Variants in HSF2BP observed in about 807,000 individuals in gnomAD.
The protein encoded by HSF2BP is heat shock factor 2-binding protein.
In HSF2BP, 35 loss-of-function variants were observed where a neutral mutation model predicts 35.0. The observed-to-expected ratio is 1.00, with a 90% confidence interval of 0.76 to 1.32. The LOEUF (loss-of-function observed/expected upper bound fraction) is 1.32, where lower values mean the gene tolerates loss of function less well. Among genes scored for constraint, HSF2BP ranks in the 40% most tolerant of loss-of-function variants. The pLI, the probability that HSF2BP is intolerant of heterozygous loss-of-function variation, is 0.00. For missense variants in HSF2BP, 326 were observed against 321.7 expected, an observed-to-expected ratio of 1.01 and a Z score of -0.10; for synonymous variants, 114 against 117.4, an observed-to-expected ratio of 0.97 and a Z score of 0.18.
intron 8 of HSF2BP, among the ~76,000 whole-genome samples, chr21:43,579,513 T>C (rs578216796): frequency 1.4e-4 from 22 of 152,270 alleles, no homozygotes; most frequent in African/African-American, 5.3e-4. Context: ...AATAGTTAAT[T>C]CTTGTTCTTA....
rs536408233 is a variant in HSF2BP at position 43,657,251 on chromosome 21, G to A, written c.37-514C>T. 9.2e-5 allele frequency among the ~76,000 whole-genome samples: 14 copies of A among 152,272 alleles called. No homozygotes were observed. The South Asian group carries it at 2.9e-3, about 32-fold the overall frequency. On this transcript the variant is annotated intron_variant, in intron 2 of 8. Transcript: ENST00000291560. ...CAGGTGTGGTGGCCGGCGCCTGTAC[G>A]CAGCAGGCTGACACGGGAAGAAGGC...
intron 7 of HSF2BP, among the ~76,000 whole-genome samples, chr21:43,599,689 G>A (rs1481184661): frequency 2.0e-5 from 3 of 151,934 alleles, no homozygotes; most frequent in African/African-American, 7.3e-5. Context: ...AGCTACTCGG[G>A]AGGCTGAGGC....
intron 4 of HSF2BP, among the ~76,000 whole-genome samples, chr21:43,636,934 A>G (rs1568933058): frequency 6.6e-6 from 1 of 151,774 alleles, no homozygotes; most frequent in Non-Finnish European, 1.5e-5. Flanking sequence ...AAAAATGAAA[A>G]CATACGACCG....
intron 6 of HSF2BP, among the ~76,000 whole-genome samples, chr21:43,618,782 A>T (rs1309235719): frequency 1.6e-5 from 2 of 126,946 alleles, no homozygotes; most frequent in Admixed American, 1.5e-4. Context: ...TAAAAATACA[A>T]AAAAAAAAAA....
chr21:43,592,837 A>T (rs1287639555), intron 7 of HSF2BP, among the ~76,000 whole-genome samples: 1 of 152,196 alleles, frequency 6.6e-6, no homozygotes, highest in East Asian at 1.9e-4. Context: ...CACAACCAAC[A>T]GAGCAGTTTA....
intron 7 of HSF2BP, among the ~76,000 whole-genome samples, chr21:43,594,929 C>A (rs1182435818): frequency 6.6e-6 from 1 of 152,148 alleles, no homozygotes; most frequent in Non-Finnish European, 1.5e-5. Flanking sequence ...CAAAATGCAA[C>A]CATGGACTGT....
intron 7 of HSF2BP, among the ~76,000 whole-genome samples, chr21:43,606,125 AG>A (rs767528925): frequency 5.3e-5 from 8 of 152,204 alleles, no homozygotes; most frequent in African/African-American, 7.2e-5. Flanking sequence ...CCACCTACCA[AG>A]GAAGAGCAGA....
chr21:43,596,097 G>C (rs2081983835), intron 7 of HSF2BP, among the ~76,000 whole-genome samples: 1 of 151,880 alleles, frequency 6.6e-6, no homozygotes, highest in South Asian at 2.1e-4. Flanking sequence ...TAATAATATA[G>C]CCTCAAAAAT....
At chr21:43,610,433 A>AT (rs2082189548) in intron 7 of HSF2BP, among the ~76,000 whole-genome samples, 1 of 90,802 alleles carries the variant, frequency 1.1e-5, no homozygotes, top group Non-Finnish European at 2.2e-5. Context: ...TACAAAAAAT[A>AT]CCAAAAAAAA....
At chr21:43,588,499 G>A (rs891930444) in intron 8 of HSF2BP, among the ~76,000 whole-genome samples, 9 of 151,762 alleles carry the variant, frequency 5.9e-5, no homozygotes, top group African/African-American at 1.9e-4. Flanking sequence ...CCAGGCGGTC[G>A]GGGTCTCAAA....
At chr21:43,656,022 C>T (rs1181288358) in intron 3 of HSF2BP, among the ~76,000 whole-genome samples, 1 of 152,182 alleles carries the variant, frequency 6.6e-6, no homozygotes, top group Non-Finnish European at 1.5e-5. Context: ...CATGATTTGG[C>T]CTCAATCAAG....
chr21:43,573,627 G>C lies in HSF2BP; in HGVS notation c.796+18598C>G, dbSNP rs149798389. ...AGCTCTGGGTCACAACTGAGCACAG[G>C]GCAATGACCAGGACTTGGTCTCTGC... On this transcript the variant is annotated intron_variant, in intron 8 of 8. Coordinates refer to ENST00000291560, the MANE Select transcript of HSF2BP (RefSeq NM_007031.2). Among the ~76,000 whole-genome samples the C allele has an allele frequency of 2.4e-3, 361 of 152,296 alleles. 5 individuals are homozygous for C. The highest frequency in any genetic ancestry group is 8.1e-3 in the African/African-American group (337 of 41,554).
intron 8 of HSF2BP, among the ~76,000 whole-genome samples, chr21:43,577,944 T>C (rs947761660): frequency 6.6e-6 from 1 of 152,178 alleles, no homozygotes; most frequent in Non-Finnish European, 1.5e-5. Context: ...CTTTGTGAGA[T>C]CTACTCCCTG....
chr21:43,636,113 T>G (rs1018800017), intron 4 of HSF2BP, among the ~76,000 whole-genome samples: 1 of 148,540 alleles, frequency 6.7e-6, no homozygotes, highest in Non-Finnish European at 1.5e-5. Context: ...CACTTGAGCC[T>G]GGAAGGTCGA....
chr21:43,605,047 C>T (rs1427380066), intron 7 of HSF2BP, among the ~76,000 whole-genome samples: 3 of 150,730 alleles, frequency 2.0e-5, no homozygotes, highest in African/African-American at 7.3e-5. Context: ...ACCCACCACA[C>T]ACACACCAGA....
chr21:43,467,633 G>A, the HSF2BP span, among the ~76,000 whole-genome samples: 1 of 151,402 alleles, frequency 6.6e-6, no homozygotes, highest in Non-Finnish European at 1.5e-5. Flanking sequence ...ATGCACAGGG[G>A]CCGGGGTCTG....
At chr21:43,613,745 A>G in intron 7 of HSF2BP, 85 bp downstream of exon 7, 1 of 907,902 alleles carries the variant, frequency 1.1e-6, no homozygotes, top group East Asian at 2.4e-5. Context: ...ACCAAAATTA[A>G]CTGTGTTTAC....
chr21:43,574,364 C>CTT lies in HSF2BP; in HGVS notation c.796+17859_796+17860dup, dbSNP rs113806687. 1.5e-3 allele frequency among the ~76,000 whole-genome samples: 220 copies of CTT among 147,112 alleles called. 2 individuals are homozygous for CTT. The highest frequency in any genetic ancestry group is 5.3e-3 in the African/African-American group (212 of 40,284). ...GAGTTTCAGCCCTTTTTCTTTTTCT[C>CTT]TTTTTTTTTTTGAGACGGAGTCTCG... On this transcript the variant is annotated intron_variant, in intron 8 of 8. Coordinates refer to ENST00000291560, the MANE Select transcript of HSF2BP (RefSeq NM_007031.2).
At chr21:43,467,500 G>A in the HSF2BP span, among the ~76,000 whole-genome samples, 6 of 125,206 alleles carry the variant, frequency 4.8e-5, no homozygotes, top group Admixed American at 1.7e-4. Context: ...ATTAAAAGAC[G>A]GGTGAGGGTT....
Sources: gnomAD v4.1 joint callset for allele counts (sites outside exome capture counted in the v4.1 genomes callset) on GRCh38, gnomAD v4.1.1 for gene constraint, MANE v1.5 for transcripts, NCBI Gene and HGNC (gene_info 2026-07-23, HGNC 2026-07-21) for gene names.